Variants in ST6GALNAC3 observed in about 807,000 individuals in gnomAD.
ST6GALNAC3 encodes ST6 N-acetylgalactosaminide alpha-2,6-sialyltransferase 3.
Under a neutral mutation model 32.7 loss-of-function variants are expected in ST6GALNAC3, and 25 were observed. The observed-to-expected ratio is 0.76, with a 90% CI of 0.56 to 1.07. ST6GALNAC3 has a LOEUF of 1.07. Ranked by LOEUF, ST6GALNAC3 falls within the 50% of genes least tolerant of loss-of-function variation. The probability of loss-of-function intolerance (pLI) is 0.00; values close to 1 mark genes in which losing one functional copy is unlikely to be tolerated. For synonymous variants in ST6GALNAC3, 129 were observed against 133.1 expected, an observed-to-expected ratio of 0.97 and a Z score of 0.21; for missense variants, 355 against 382.4, an observed-to-expected ratio of 0.93 and a Z score of 0.60.
chr1:76,465,947 C>G (rs1339186296), intron 3 of ST6GALNAC3, among the ~76,000 whole-genome samples: 1 of 152,006 alleles, frequency 6.6e-6, no homozygotes, highest in Non-Finnish European at 1.5e-5. Flanking sequence ...GAAAATAAAA[C>G]AACCAATTTT....
intron 1 of ST6GALNAC3, among the ~76,000 whole-genome samples, chr1:76,185,061 T>C (rs1029671952): frequency 1.3e-5 from 2 of 152,170 alleles, no homozygotes; most frequent in African/African-American, 4.8e-5. Context: ...GAATCCATAT[T>C]GCTTTCTTCC....
intron 3 of ST6GALNAC3, among the ~76,000 whole-genome samples, chr1:76,428,609 A>G (rs1655549949): frequency 6.6e-6 from 1 of 152,106 alleles, no homozygotes; most frequent in Admixed American, 6.6e-5. Flanking sequence ...TGGAGGCATT[A>G]ATAACTTGGT....
chr1:76,385,181 G>A (rs1651999242), intron 2 of ST6GALNAC3, among the ~76,000 whole-genome samples: 1 of 152,114 alleles, frequency 6.6e-6, no homozygotes, highest in Non-Finnish European at 1.5e-5. Flanking sequence ...TCTGGGTAAA[G>A]AAAGATGGGC....
In ST6GALNAC3 at chr1:76,432,619, T is replaced by C. The variant is rs1655844223; in HGVS notation, c.623+20202T>C. ...ACAGGCGTGTGCCACCATGCCTGGC[T>C]AATTTTTAAATTTTTTTTGTAAAGA... On this transcript the variant is annotated intron_variant, in intron 3 of 4. Transcript: ENST00000328299. Among the ~76,000 whole-genome samples the C allele has an allele frequency of 2.0e-5, 3 of 151,764 alleles. No homozygotes were observed. The South Asian group carries it at 6.3e-4, about 32-fold the overall frequency.
At chr1:76,252,325 A>G (rs775524205) in intron 1 of ST6GALNAC3, among the ~76,000 whole-genome samples, 8 of 152,112 alleles carry the variant, frequency 5.3e-5, no homozygotes, top group African/African-American at 1.9e-4. Flanking sequence ...AGAATCTACT[A>G]CTGTTATATA....
intron 3 of ST6GALNAC3, among the ~76,000 whole-genome samples, chr1:76,626,787 G>A (rs552818654): frequency 2.0e-5 from 3 of 151,852 alleles, no homozygotes; most frequent in African/African-American, 7.3e-5. Flanking sequence ...AAGACAGAAG[G>A]TTTGGTTGTT....
intron 2 of ST6GALNAC3, among the ~76,000 whole-genome samples, chr1:76,393,763 G>A (rs1489046185): frequency 6.6e-6 from 1 of 152,120 alleles, no homozygotes; most frequent in African/African-American, 2.4e-5. Flanking sequence ...TTAATCACAT[G>A]ATTTGTCTTT....
intron 1 of ST6GALNAC3, among the ~76,000 whole-genome samples, chr1:76,125,000 A>G (rs2631780): frequency 2.0e-5 from 3 of 152,220 alleles, no homozygotes; most frequent in African/African-American, 7.2e-5. Context: ...TTTTATATTA[A>G]CTAGTGAATA....
At chr1:76,223,279 C>T (rs955642424) in intron 1 of ST6GALNAC3, among the ~76,000 whole-genome samples, 3 of 152,012 alleles carry the variant, frequency 2.0e-5, no homozygotes, top group East Asian at 1.9e-4. Flanking sequence ...CCTAAGAAAG[C>T]GAACTAATGA....
At chr1:76,437,257 C>T (rs931761171) in intron 3 of ST6GALNAC3, among the ~76,000 whole-genome samples, 5 of 152,046 alleles carry the variant, frequency 3.3e-5, no homozygotes, top group Non-Finnish European at 7.3e-5. Context: ...CAGAAGAGAT[C>T]GTGTCCTTGG....
intron 1 of ST6GALNAC3, among the ~76,000 whole-genome samples, chr1:76,104,530 A>G (rs143981018): frequency 5.8e-4 from 87 of 150,838 alleles, no homozygotes; most frequent in African/African-American, 2.1e-3. Flanking sequence ...GCTCCTCAAT[A>G]TGTCGTTAGG....
intron 3 of ST6GALNAC3, among the ~76,000 whole-genome samples, chr1:76,605,244 A>G (rs1647452645): frequency 1.3e-5 from 2 of 152,192 alleles, no homozygotes; most frequent in South Asian, 2.1e-4. Flanking sequence ...GTATTAACGT[A>G]TGAGTAGGAG....
At chr1:76,157,646 A>G (rs1363833351) in intron 1 of ST6GALNAC3, among the ~76,000 whole-genome samples, 1 of 152,168 alleles carries the variant, frequency 6.6e-6, no homozygotes, top group Non-Finnish European at 1.5e-5. Context: ...CTGACTGCCT[A>G]AATGATTTTT....
At chr1:76,605,143 C>T (rs114027451) in intron 3 of ST6GALNAC3, among the ~76,000 whole-genome samples, 115 of 152,168 alleles carry the variant, frequency 7.6e-4, no homozygotes, top group African/African-American at 2.7e-3. Flanking sequence ...GACAGTACAA[C>T]GTGTTAGGTT....
intron 1 of ST6GALNAC3, among the ~76,000 whole-genome samples, chr1:76,111,243 T>TG (rs11461241): frequency 0.29 from 44,620 of 151,858 alleles, 8,441 homozygotes; most frequent in African/African-American, 0.54. Flanking sequence ...CCTAGATTAA[T>TG]TGGAAACAGC....
intron 3 of ST6GALNAC3, among the ~76,000 whole-genome samples, chr1:76,492,190 G>A (rs576749516): frequency 6.6e-6 from 1 of 152,226 alleles, no homozygotes; most frequent in Admixed American, 6.6e-5. Context: ...TTTTAAGAAC[G>A]GACTGAAGGT....
chr1:76,408,213 T>A (rs535868437), intron 2 of ST6GALNAC3, among the ~76,000 whole-genome samples: 10 of 152,178 alleles, frequency 6.6e-5, no homozygotes, highest in African/African-American at 2.4e-4. Context: ...AGATGGTTCC[T>A]GCAAGTAAGT....
chr1:76,083,236 T>C (rs868140919), intron 1 of ST6GALNAC3, among the ~76,000 whole-genome samples: 1 of 152,368 alleles, frequency 6.6e-6, no homozygotes, highest in Middle Eastern at 3.4e-3. Context: ...TCTTAGATTT[T>C]GAGAACTAGA....
rs1660871339 is a variant in ST6GALNAC3 at position 76,496,725 on chromosome 1, GTTC to G, written c.623+84309_623+84311del. Among the ~76,000 whole-genome samples, 4 of 152,088 alleles carry G rather than the reference GTTC, an allele frequency of 2.6e-5. 1 individual carries two copies. The highest frequency in any genetic ancestry group is 2.6e-4 in the Admixed American group (4 of 15,240). On this transcript the variant is annotated intron_variant, in intron 3 of 4. Coordinates refer to ENST00000328299, the MANE Select transcript of ST6GALNAC3 (RefSeq NM_152996.4). ...ATTAAATTGTGTCCCAGCAGTGAAG[GTTC>G]CTTAATGATAATGAGCCAAAACTAA...
Sources: allele counts gnomAD v4.1 joint callset (sites outside exome capture counted in the v4.1 genomes callset), GRCh38; gene constraint gnomAD v4.1.1; transcripts MANE v1.5; gene names NCBI Gene and HGNC (gene_info 2026-07-23, HGNC 2026-07-21).